The following CYTH1 variants were observed in gnomAD, a reference collection of about 807,000 sequenced individuals.
CYTH1 encodes cytohesin 1.
Under a neutral mutation model 61.8 loss-of-function variants are expected in CYTH1, and 18 were observed. That is an observed-to-expected ratio of 0.29 (90% CI 0.20 to 0.43). The LOEUF (loss-of-function observed/expected upper bound fraction) is 0.43. CYTH1 is among the 20% of genes least tolerant of loss of function. CYTH1 has a pLI of 1.00. For missense variants in CYTH1, 336 were observed against 510.5 expected (o/e 0.66, Z 3.29); for synonymous variants, 174 against 184.3 (o/e 0.94, Z 0.45).
rs2093346879 is a variant in CYTH1 at position 78,742,962 on chromosome 17, TGTA to T, written c.23-33233_23-33231del. 3.9e-5 allele frequency among the ~76,000 whole-genome samples: 6 copies of T among 152,306 alleles called. No individual in the cohort carries two copies. The South Asian group carries it at 8.3e-4, about 21-fold the overall frequency. ...ACACACGCCAACTAGACAGACATAATGTAGTATTTTAATGTCTACGCTTCTGTG... is the reference window on the plus strand; with the variant it reads ...ACACACGCCAACTAGACAGACATAATGTATTTTAATGTCTACGCTTCTGTG... On this transcript the variant is annotated intron_variant, in intron 1 of 13. Coordinates refer to ENST00000446868, the MANE Select transcript of CYTH1 (RefSeq NM_004762.6).
intron 1 of CYTH1, among the ~76,000 whole-genome samples, chr17:78,760,384 T>TATATATATACAC (rs751494741): frequency 3.9e-5 from 2 of 51,396 alleles, no homozygotes; most frequent in African/African-American, 7.9e-5. Flanking sequence ...TATATATATA[T>TATATATATACAC]ACACACACAT....
In CYTH1 at chr17:78,701,658, CAAG is replaced by C. The variant is rs758889113; in HGVS notation, c.437+10_437+12del. The C allele has an allele frequency of 2.5e-6, 4 of 1,614,032 alleles. No individual in the cohort carries two copies. The African/African-American group carries it at 5.3e-5, about 22-fold the overall frequency. ...CCACTCCTTCCAAAGGGGCTCACCT[CAAG>C]AATACTCACCGTAGTGCCTGGACGA... On this transcript the variant is annotated intron_variant, in intron 6 of 13. Coordinates refer to ENST00000446868, the MANE Select transcript of CYTH1 (RefSeq NM_004762.6).
chr17:78,729,184 T>C (rs542692797), intron 1 of CYTH1, among the ~76,000 whole-genome samples: 24 of 152,288 alleles, frequency 1.6e-4, no homozygotes, highest in Admixed American at 1.2e-3. Context: ...CATAGCTCAC[T>C]GCAGCCTCAA....
At chr17:78,768,601 A>G (rs2093458179) in intron 1 of CYTH1, among the ~76,000 whole-genome samples, 1 of 151,896 alleles carries the variant, frequency 6.6e-6, no homozygotes, top group African/African-American at 2.4e-5. Flanking sequence ...CTGGCAACCA[A>G]ATCCATCAAT....
chr17:78,701,569 T>C, intron 6 of CYTH1, 102 bp downstream of exon 6: 1 of 1,082,786 alleles, frequency 9.2e-7, no homozygotes, highest in Non-Finnish European at 1.4e-6. Context: ...ATTCAAATCA[T>C]ACCCAAAGAT....
chr17:78,772,796 A>G (rs561826542), intron 1 of CYTH1, among the ~76,000 whole-genome samples: 1 of 152,044 alleles, frequency 6.6e-6, no homozygotes, highest in East Asian at 1.9e-4. Context: ...TTGGCCTCCC[A>G]AAGTGTTGGG....
intron 11 of CYTH1, among the ~76,000 whole-genome samples, chr17:78,687,078 G>C (rs1042739404): frequency 2.0e-5 from 3 of 152,158 alleles, no homozygotes; most frequent in African/African-American, 4.8e-5. Context: ...ACCGCGCCCA[G>C]CCTACATTAC....
In CYTH1 at chr17:78,760,484, TGTATATATATATAC is replaced by T. The variant is rs1170011400; in HGVS notation, c.22+21704_22+21717del. Among the ~76,000 whole-genome samples, 12 of 47,146 alleles carry T rather than the reference TGTATATATATATAC, an allele frequency of 2.5e-4. 1 individual carries two copies. The highest frequency in any genetic ancestry group is 1.2e-3 in the African/African-American group (12 of 10,278). The allele number at this position is 47,146 out of a possible 152,430, so 30.9% of individuals were successfully genotyped here. The stretch of plus-strand genomic sequence containing the variant: ...ACATATATATATGTATATATATGTA[TGTATATATATATAC>T]ATATATATGTATATATATGTATATA... On this transcript the variant is annotated intron_variant, in intron 1 of 13. Transcript: ENST00000446868.
chr17:78,771,240 C>T (rs1040526887), intron 1 of CYTH1, among the ~76,000 whole-genome samples: 2 of 151,398 alleles, frequency 1.3e-5, no homozygotes, highest in African/African-American at 4.9e-5. Context: ...CCAGCCTGGG[C>T]AATAGAGCAA....
At chr17:78,728,855 C>T (rs1278720819) in intron 1 of CYTH1, among the ~76,000 whole-genome samples, 1 of 152,132 alleles carries the variant, frequency 6.6e-6, no homozygotes, top group East Asian at 1.9e-4. Context: ...AAATAGCCAG[C>T]TAGCCATTTG....
chr17:78,714,639 A>G (rs1465647897), intron 1 of CYTH1, among the ~76,000 whole-genome samples: 1 of 152,164 alleles, frequency 6.6e-6, no homozygotes, highest in African/African-American at 2.4e-5. Flanking sequence ...ATATGTAGAC[A>G]GCGGACACCT....
chr17:78,726,042 CTTT>C (rs1159169142), intron 1 of CYTH1, among the ~76,000 whole-genome samples: 3 of 130,716 alleles, frequency 2.3e-5, no homozygotes, highest in Non-Finnish European at 1.6e-5. Context: ...ATTCAACAGT[CTTT>C]TTTTTTTTTT....
At chr17:78,697,733 C>T (rs778617968) in intron 9 of CYTH1, among the ~76,000 whole-genome samples, 1 of 152,124 alleles carries the variant, frequency 6.6e-6, no homozygotes, top group African/African-American at 2.4e-5. Context: ...AAGGAAGTGA[C>T]GATGCACTGG....
chr17:78,721,399 G>A (rs1407318840), intron 1 of CYTH1, among the ~76,000 whole-genome samples: 1 of 152,358 alleles, frequency 6.6e-6, no homozygotes, highest in African/African-American at 2.4e-5. Flanking sequence ...CAGGCAGCTA[G>A]CAGAAATGGT....
At chr17:78,760,398 TATATATATGTGTATATATATATATATA>T (rs2093418679) in intron 1 of CYTH1, among the ~76,000 whole-genome samples, 1 of 43,226 alleles carries the variant, frequency 2.3e-5, no homozygotes, top group African/African-American at 6.3e-5. Context: ...CACACATACA[TATATATATGTGTATATATATATATATA>T]CACATACATA....
chr17:78,702,831 AT>A (rs202140176), intron 3 of CYTH1, among the ~76,000 whole-genome samples: 2 of 150,970 alleles, frequency 1.3e-5, no homozygotes. Context: ...GGTTTTCTTT[AT>A]TTTTTTTTGA....
At chr17:78,727,994 TATC>T in intron 1 of CYTH1, 1 of 245,248 alleles carries the variant, frequency 4.1e-6, no homozygotes, top group South Asian at 3.8e-5. Context: ...GAGTCCCTGA[TATC>T]ATGCAGGTGT....
At chr17:78,690,860 C>T (rs1385570879) in intron 11 of CYTH1, among the ~76,000 whole-genome samples, 4 of 151,984 alleles carry the variant, frequency 2.6e-5, no homozygotes, top group Non-Finnish European at 5.9e-5. Flanking sequence ...ATAGGATTGT[C>T]CAGGACTTAG....
In CYTH1 at chr17:78,696,163, A is replaced by G. The variant is rs117635797; in HGVS notation, c.812-154T>C. 6.0e-4 allele frequency among the ~76,000 whole-genome samples: 91 copies of G among 152,344 alleles called. 1 individual carries two copies. In the East Asian group the frequency reaches 0.012, roughly 19 times the overall value. On this transcript the variant is annotated intron_variant, in intron 9 of 13. Transcript: ENST00000446868. ...CATGCCTGCCTGGGGAGAGAGCTGA[A>G]CTAAAAACACTCAACGGGCAAATGA...
Sources: gnomAD v4.1 joint callset for allele counts (sites outside exome capture counted in the v4.1 genomes callset) on GRCh38, gnomAD v4.1.1 for gene constraint, MANE v1.5 for transcripts, NCBI Gene and HGNC (gene_info 2026-07-23, HGNC 2026-07-21) for gene names.